IFT81: variants seen among roughly 807,000 people sequenced by gnomAD.
The protein encoded by IFT81 is intraflagellar transport protein 81 homolog.
In IFT81, 72 loss-of-function variants were observed where a neutral mutation model predicts 102.6. The observed-to-expected ratio is 0.70, with a 90% CI of 0.58 to 0.85. The LOEUF (loss-of-function observed/expected upper bound fraction) is 0.85. IFT81 is among the 40% of genes least tolerant of loss of function. The pLI, the probability that IFT81 is intolerant of heterozygous loss-of-function variation, is 0.00. For missense variants in IFT81, 723 were observed against 787.3 expected, an observed-to-expected ratio of 0.92 and a Z score of 0.98; for synonymous variants, 237 against 242.7, an observed-to-expected ratio of 0.98 and a Z score of 0.22.
At chr12:110,207,796 C>G (rs1452873634) in intron 17 of IFT81, among the ~76,000 whole-genome samples, 2 of 151,998 alleles carry the variant, frequency 1.3e-5, no homozygotes, top group African/African-American at 2.4e-5. Flanking sequence ...ATCTCCTGAC[C>G]TCGTGAGCCA....
At chr12:110,127,224 A>G in intron 1 of IFT81, 136 bp from the exon 2 acceptor site, 1 of 835,568 alleles carries the variant, frequency 1.2e-6, no homozygotes, top group Non-Finnish European at 1.7e-6. Flanking sequence ...TCAACAAAAT[A>G]ACCCTTTTCA....
chr12:110,217,590 T>G (rs1376895975), intron 18 of IFT81, among the ~76,000 whole-genome samples: 1 of 152,028 alleles, frequency 6.6e-6, no homozygotes, highest in African/African-American at 2.4e-5. Flanking sequence ...TGAGACAGAG[T>G]CTTGCTCTGT....
chr12:110,216,201 G>A (rs1870103937), intron 18 of IFT81, among the ~76,000 whole-genome samples: 1 of 151,522 alleles, frequency 6.6e-6, no homozygotes, highest in Non-Finnish European at 1.5e-5. Context: ...GTTTTGTTTT[G>A]TTTTTAAGAG....
intron 9 of IFT81, among the ~76,000 whole-genome samples, chr12:110,145,028 ATTTTT>A (rs753990394): frequency 1.8e-5 from 2 of 111,032 alleles, no homozygotes; most frequent in African/African-American, 7.1e-5. Context: ...ACTATGCCTA[ATTTTT>A]TTTTTTTTTT....
intron 10 of IFT81, among the ~76,000 whole-genome samples, chr12:110,150,962 T>A (rs898849887): frequency 6.6e-6 from 1 of 152,176 alleles, no homozygotes; most frequent in African/African-American, 2.4e-5. Context: ...TAACAATATA[T>A]GCTGGTGATC....
At chr12:110,142,884 C>T (rs1894983662) in intron 8 of IFT81, among the ~76,000 whole-genome samples, 1 of 151,794 alleles carries the variant, frequency 6.6e-6, no homozygotes, top group South Asian at 2.1e-4. Context: ...GCCTGGGTGA[C>T]AGAGCAAGAC....
intron 8 of IFT81, among the ~76,000 whole-genome samples, chr12:110,142,601 T>A (rs1894960468): frequency 6.6e-6 from 1 of 151,962 alleles, no homozygotes; most frequent in South Asian, 2.1e-4. Flanking sequence ...TACAGTGTAA[T>A]CCCAGAACTT....
intron 8 of IFT81, 108 bp downstream of exon 8, chr12:110,136,968 C>A: frequency 1.6e-6 from 1 of 625,858 alleles, no homozygotes; most frequent in South Asian, 2.5e-5. Flanking sequence ...AGTGATGTCT[C>A]AGCATTTTGG....
intron 12 of IFT81, among the ~76,000 whole-genome samples, chr12:110,187,772 T>C (rs150119147): frequency 1.3e-5 from 2 of 152,328 alleles, no homozygotes; most frequent in East Asian, 3.9e-4. Context: ...GTTTTTTGTT[T>C]TTCTTAAGCT....
At chr12:110,188,768 C>CA (rs113399140) in intron 12 of IFT81, among the ~76,000 whole-genome samples, 6,263 of 123,040 alleles carry the variant, frequency 0.051, 265 homozygotes, top group African/African-American at 0.13. Flanking sequence ...ACTAAAAATA[C>CA]AAAAAAAAAA....
rs770636591 is a variant in IFT81, at chr12:110,203,951, G to A, written c.1644+1G>A. 1.2e-6 allele frequency: 2 copies of A among 1,601,726 alleles called. No individual in the cohort carries two copies. The highest frequency in any genetic ancestry group is 1.3e-5 in the African/African-American group (1 of 74,748). ...AAGCAATCGGTCCAAATTAGAACAG[G>A]TAAGAAGAGAGTTTTTATTTTAACA... On this transcript the variant is annotated splice_donor_variant, in intron 15 of 18. Coordinates refer to ENST00000242591, the MANE Select transcript of IFT81 (RefSeq NM_014055.4). LOFTEE classifies it high-confidence loss of function.
At chr12:110,212,884 T>C (rs538060291) in intron 18 of IFT81, among the ~76,000 whole-genome samples, 1 of 152,202 alleles carries the variant, frequency 6.6e-6, no homozygotes, top group Admixed American at 6.5e-5. Context: ...TTTTCAAAAC[T>C]ATATTTTAAT....
At chr12:110,148,972 T>C (rs1489643967) in intron 10 of IFT81, among the ~76,000 whole-genome samples, 1 of 152,226 alleles carries the variant, frequency 6.6e-6, no homozygotes, top group Non-Finnish European at 1.5e-5. Context: ...GTTTTTTGTT[T>C]ATTTAATCTC....
intron 8 of IFT81, among the ~76,000 whole-genome samples, chr12:110,141,985 A>T (rs1317160780): frequency 6.6e-6 from 1 of 152,192 alleles, no homozygotes; most frequent in Non-Finnish European, 1.5e-5. Flanking sequence ...ATTTAAAACA[A>T]GATGGTTATT....
intron 12 of IFT81, among the ~76,000 whole-genome samples, chr12:110,186,564 A>AGT (rs1446209270): frequency 6.6e-6 from 1 of 151,112 alleles, no homozygotes; most frequent in African/African-American, 2.4e-5. Flanking sequence ...CCCAGGCTGG[A>AGT]GTGCAGTGGT....
chr12:110,155,532 G>C (rs1016040781), intron 10 of IFT81, among the ~76,000 whole-genome samples: 13 of 152,124 alleles, frequency 8.5e-5, no homozygotes, highest in African/African-American at 3.1e-4. Flanking sequence ...GGCTGGTCTT[G>C]AACTCCTGAC....
chr12:110,159,259 T>A (rs1304668642), intron 10 of IFT81, among the ~76,000 whole-genome samples: 2 of 151,988 alleles, frequency 1.3e-5, no homozygotes, highest in Non-Finnish European at 2.9e-5. Context: ...AGCTCAGGAG[T>A]TTGAGACTAA....
chr12:110,174,159 T>C (rs1412825414), intron 11 of IFT81, among the ~76,000 whole-genome samples: 1 of 150,870 alleles, frequency 6.6e-6, no homozygotes, highest in Non-Finnish European at 1.5e-5. Flanking sequence ...ACGCCTATAG[T>C]CCCAGCTACT....
intron 8 of IFT81, among the ~76,000 whole-genome samples, chr12:110,141,277 A>AT (rs1894872977): frequency 6.6e-6 from 1 of 152,022 alleles, no homozygotes; most frequent in Admixed American, 6.6e-5. Flanking sequence ...ACCTCAGGTG[A>AT]TTCGCCTGCC....
Sources: gnomAD v4.1 joint callset for allele counts (sites outside exome capture counted in the v4.1 genomes callset) on GRCh38, gnomAD v4.1.1 for gene constraint, MANE v1.5 for transcripts, NCBI Gene and HGNC (gene_info 2026-07-23, HGNC 2026-07-21) for gene names.